Variants in LGSN observed in about 807,000 individuals in gnomAD.
LGSN encodes the protein lengsin.
LGSN carries 21 observed loss-of-function variants against 19.5 expected under a neutral mutation model. The observed-to-expected ratio is 1.07, with a 90% CI of 0.76 to 1.55. The LOEUF is 1.55. Ranked by LOEUF, LGSN falls within the 40% of genes most tolerant of loss-of-function variation. LGSN has a pLI of 0.00. For synonymous variants in LGSN, 257 were observed against 215.6 expected, an observed-to-expected ratio of 1.19 and a Z score of -1.68; for missense variants, 673 against 608.5, an observed-to-expected ratio of 1.11 and a Z score of -1.12.
At chr6:63,484,614 G>A in the LGSN span, among the ~76,000 whole-genome samples, 1 of 104,050 alleles carries the variant, frequency 9.6e-6, no homozygotes, top group Admixed American at 9.4e-5. Flanking sequence ...AAAAACACTA[G>A]AGAGCTTTAC....
chr6:63,412,518 GA>G, the LGSN span, among the ~76,000 whole-genome samples: 1,044 of 99,510 alleles, frequency 0.01, no homozygotes, highest in Non-Finnish European at 0.015. Flanking sequence ...AAGAAAGAAA[GA>G]AAGAAAGAAG....
the LGSN span, among the ~76,000 whole-genome samples, chr6:63,407,639 T>C: frequency 1.3e-5 from 2 of 152,158 alleles, no homozygotes; most frequent in East Asian, 3.8e-4. Context: ...ATGTCCTCTG[T>C]CACCACTCCT....
At chr6:63,373,654 G>A in the LGSN span, among the ~76,000 whole-genome samples, 6 of 152,180 alleles carry the variant, frequency 3.9e-5, no homozygotes, top group Middle Eastern at 3.4e-3. Context: ...TGACCCTGAC[G>A]AGAATTATTT....
At chr6:63,438,615 C>A in the LGSN span, among the ~76,000 whole-genome samples, 1 of 151,980 alleles carries the variant, frequency 6.6e-6, no homozygotes, top group Non-Finnish European at 1.5e-5. Context: ...TGCTCATCAT[C>A]ACTGGCCATC....
At chr6:63,515,361 A>G in the LGSN span, among the ~76,000 whole-genome samples, 1 of 152,026 alleles carries the variant, frequency 6.6e-6, no homozygotes, top group Admixed American at 6.6e-5. Flanking sequence ...CTTCCCGTGT[A>G]GCTGGGATTA....
chr6:63,365,105 T>C, the LGSN span, among the ~76,000 whole-genome samples: 7 of 151,990 alleles, frequency 4.6e-5, no homozygotes, highest in Non-Finnish European at 1.0e-4. Context: ...CTGAAGAAGA[T>C]AGAGATGTAA....
chr6:63,512,882 A>G, the LGSN span, among the ~76,000 whole-genome samples: 3 of 152,244 alleles, frequency 2.0e-5, no homozygotes, highest in Non-Finnish European at 2.9e-5. Flanking sequence ...TTCAGCAAAC[A>G]TTCTTTGATC....
At chr6:63,285,523 A>G in intron 3 of LGSN, 64 bp downstream of exon 3, 1 of 1,259,110 alleles carries the variant, frequency 7.9e-7, no homozygotes, top group Non-Finnish European at 1.1e-6. Flanking sequence ...AGAAAGAGTA[A>G]TAAGAACTGT....
At chr6:63,461,733 G>T in the LGSN span, among the ~76,000 whole-genome samples, 1 of 152,150 alleles carries the variant, frequency 6.6e-6, no homozygotes, top group Non-Finnish European at 1.5e-5. Context: ...ATACCCCACG[G>T]CCCTGAATTA....
chr6:63,545,651 C>T, the LGSN span, among the ~76,000 whole-genome samples: 2 of 151,858 alleles, frequency 1.3e-5, no homozygotes, highest in African/African-American at 4.8e-5. Flanking sequence ...CCAATCTTAC[C>T]TTGTACTTTT....
At chr6:63,521,949 TAG>T in the LGSN span, 1 of 152,246 alleles carries the variant, frequency 6.6e-6, no homozygotes, top group Non-Finnish European at 1.5e-5. Flanking sequence ...GAATAATTCA[TAG>T]AGAGTTCTGA....
the LGSN span, among the ~76,000 whole-genome samples, chr6:63,522,737 A>C: frequency 6.6e-6 from 1 of 152,264 alleles, no homozygotes; most frequent in Admixed American, 6.5e-5. Context: ...TTTCAACAAT[A>C]GGGGAGATAC....
chr6:63,283,896 C>T (rs1034223597), intron 3 of LGSN, among the ~76,000 whole-genome samples: 2 of 151,994 alleles, frequency 1.3e-5, no homozygotes, highest in African/African-American at 4.8e-5. Flanking sequence ...GATGGGGTTT[C>T]ACCATGTTGG....
chr6:63,500,569 G>A, the LGSN span, among the ~76,000 whole-genome samples: 2 of 151,776 alleles, frequency 1.3e-5, no homozygotes, highest in African/African-American at 4.8e-5. Flanking sequence ...TTGCAGGCAT[G>A]CACCACCACG....
At chr6:63,305,126 G>T (rs1165621945) in intron 1 of LGSN, among the ~76,000 whole-genome samples, 1 of 152,120 alleles carries the variant, frequency 6.6e-6, no homozygotes, top group Non-Finnish European at 1.5e-5. Flanking sequence ...GAAGAAGATA[G>T]ATTCCAAAAC....
chr6:63,483,773 T>G, the LGSN span, among the ~76,000 whole-genome samples: 1 of 152,038 alleles, frequency 6.6e-6, no homozygotes, highest in Non-Finnish European at 1.5e-5. Context: ...TCCTTCTGTA[T>G]CTCTCTCCAA....
At chr6:63,510,660 ATTTTTTTTTTTTT>A in the LGSN span, among the ~76,000 whole-genome samples, 2 of 111,978 alleles carry the variant, frequency 1.8e-5, no homozygotes, top group East Asian at 5.2e-4. Flanking sequence ...CAAGAAGCGA[ATTTTTTTTTTTTT>A]TTTTTTTTTT....
the LGSN span, among the ~76,000 whole-genome samples, chr6:63,523,148 G>A: frequency 1.6e-3 from 242 of 151,972 alleles, 2 homozygotes; most frequent in Middle Eastern, 6.8e-3. Context: ...TTACAGGCAC[G>A]AGCCATAGTA....
the LGSN span, among the ~76,000 whole-genome samples, chr6:63,555,223 C>A: frequency 1.0e-3 from 152 of 152,250 alleles, no homozygotes; most frequent in Middle Eastern, 3.4e-3. Context: ...TTAGAGGCTG[C>A]CCCGAGTAGA....
Sources: gnomAD v4.1 joint callset for allele counts (sites outside exome capture counted in the v4.1 genomes callset) on GRCh38, gnomAD v4.1.1 for gene constraint, MANE v1.5 for transcripts, NCBI Gene and HGNC (gene_info 2026-07-23, HGNC 2026-07-21) for gene names.